The following FAM20A variants were observed in gnomAD, a reference collection of about 807,000 sequenced individuals.
FAM20A encodes FAM20A golgi associated secretory pathway pseudokinase.
A neutral mutation model predicts 52.0 loss-of-function variants in FAM20A; 42 were observed. The observed-to-expected ratio is 0.81, with a 90% CI of 0.63 to 1.04. FAM20A has a LOEUF of 1.04. FAM20A is among the 50% of genes least tolerant of loss of function. The pLI is 0.00. For missense variants in FAM20A, 742 were observed against 712.7 expected, an observed-to-expected ratio of 1.04 and a Z score of -0.47; for synonymous variants, 304 against 298.9, an observed-to-expected ratio of 1.02 and a Z score of -0.18.
intron 1 of FAM20A, chr17:68,558,328 A>G: frequency 2.3e-6 from 1 of 442,768 alleles, no homozygotes; most frequent in Non-Finnish European, 4.5e-6. Context: ...AATGAGTCAT[A>G]CCATCAGATA....
intron 1 of FAM20A, among the ~76,000 whole-genome samples, chr17:68,573,908 C>T (rs944187920): frequency 7.3e-5 from 11 of 151,676 alleles, no homozygotes; most frequent in African/African-American, 2.7e-4. Flanking sequence ...GAACTTCTGA[C>T]CTCAGGTGAT....
chr17:68,575,480 A>G (rs991299370), intron 1 of FAM20A, among the ~76,000 whole-genome samples: 12 of 115,948 alleles, frequency 1.0e-4, no homozygotes, highest in African/African-American at 3.7e-4. Flanking sequence ...TATATTTTAT[A>G]TATTATATAT....
intron 4 of FAM20A, among the ~76,000 whole-genome samples, chr17:68,550,716 G>T (rs951607393): frequency 6.6e-6 from 1 of 152,164 alleles, no homozygotes; most frequent in African/African-American, 2.4e-5. Context: ...TCTCAAGGTT[G>T]CCTGGGCCTT....
intron 1 of FAM20A, among the ~76,000 whole-genome samples, chr17:68,575,363 A>G (rs1285881729): frequency 2.1e-5 from 3 of 142,506 alleles, no homozygotes; most frequent in Non-Finnish European, 3.0e-5. Context: ...CCTGGCCAAC[A>G]CAGGTTCACT....
rs1278035730 is a variant in FAM20A at position 68,568,733 on chromosome 17, T to C, written c.405-12990A>G. Among the ~76,000 whole-genome samples, 14 of 151,942 alleles carry C rather than the reference T, an allele frequency of 9.2e-5. No homozygotes were observed. In the South Asian group the frequency reaches 2.9e-3, roughly 31 times the overall value. On this transcript the variant is annotated intron_variant, in intron 1 of 10. Transcript: ENST00000592554. ...GTTACCTTGTTTCTTCCTCTTCTCT[T>C]AATTCTTTCCTCTCCTATAAGGATT... is the stretch of plus-strand genomic sequence containing the variant.
chr17:68,593,148 T>C (rs539312091), intron 1 of FAM20A, among the ~76,000 whole-genome samples: 4 of 152,382 alleles, frequency 2.6e-5, no homozygotes, highest in Admixed American at 6.5e-5. Context: ...TAAGAACTTA[T>C]GTCTAGTAAC....
At chr17:68,551,537 T>A (rs1448980329) in intron 4 of FAM20A, among the ~76,000 whole-genome samples, 1 of 152,040 alleles carries the variant, frequency 6.6e-6, no homozygotes, top group Non-Finnish European at 1.5e-5. Flanking sequence ...GATGAGATGG[T>A]CTCTTTCAGC....
Position 68,536,164 on chromosome 17 carries a change from T to C in FAM20A, c.*1313A>G, listed in dbSNP as rs150657900. On this transcript the variant is annotated 3_prime_UTR_variant, in exon 11 of 11. Coordinates refer to ENST00000592554, the MANE Select transcript of FAM20A (RefSeq NM_017565.4). ...TTATTTGTCCAGTCGAGGCTATCTT[T>C]GCTCACACTGCAGAAAGCTTGGAGA... The C allele has an allele frequency of 1.7e-4, 76 of 454,152 alleles. No individual in the cohort carries two copies. Among genetic ancestry groups the C allele is most frequent in the African/African-American group, 1.3e-3 (64 of 50,150 alleles). 28.1% of individuals were successfully genotyped at this position (454,152 alleles called of 1,614,324 possible).
rs1432853916 is a variant in FAM20A, at chr17:68,535,422, A to G, written c.*2055T>C. ...GTGGCGGGTTTTGAGGTAGAGCTGT[A>G]GCCTGCTTTCCTGAGAGTCTTATTT... On this transcript the variant is annotated 3_prime_UTR_variant, in exon 11 of 11. Transcript: ENST00000592554. The G allele has an allele frequency of 4.4e-6, 2 of 453,994 alleles. No homozygotes were observed. The highest frequency in any genetic ancestry group is 8.8e-6 in the Non-Finnish European group (2 of 226,802). The allele number at this position is 453,994 out of a possible 1,614,324, so 28.1% of individuals were successfully genotyped here.
At position 68,536,660 on chromosome 17, in the gene FAM20A, C is replaced by CT. The variant is rs1422327936; in HGVS notation, c.*816dup. 2.2e-6 allele frequency: 1 copy of CT among 452,630 alleles called. No homozygotes were observed. The highest frequency in any genetic ancestry group is 2.0e-5 in the African/African-American group (1 of 49,736). 28.0% of individuals were successfully genotyped at this position (452,630 alleles called of 1,614,324 possible). On this transcript the variant is annotated 3_prime_UTR_variant, in exon 11 of 11. Transcript: ENST00000592554. ...TGGTGGGCTGTAGTCAGCCTTGGCT[C>CT]TTTTCCTGCCTTACTCCAGGCTTGT...
At chr17:68,583,820 G>A (rs530753388) in intron 1 of FAM20A, among the ~76,000 whole-genome samples, 2 of 151,044 alleles carry the variant, frequency 1.3e-5, no homozygotes, top group Admixed American at 6.6e-5. Context: ...GGAGAATGGC[G>A]TGAACCAGGA....
At position 68,537,467 on chromosome 17, in the gene FAM20A, C is replaced by T. The variant is rs944183650; in HGVS notation, c.*10G>A. Reference sequence around the variant, plus strand: ...CAGGCGTATTTTCTGAAACTGGACTCTGCCAGCCCTTAGCTTGTCAAGTTA... The same window carrying T: ...CAGGCGTATTTTCTGAAACTGGACTTTGCCAGCCCTTAGCTTGTCAAGTTA... On this transcript the variant is annotated 3_prime_UTR_variant, in exon 11 of 11. Coordinates refer to ENST00000592554, the MANE Select transcript of FAM20A (RefSeq NM_017565.4). This position sits in a 1 kb window ranked among gnomAD's most constrained non-coding sequence, Gnocchi z 4.2. 1.9e-6 allele frequency: 3 copies of T among 1,613,978 alleles called. No individual in the cohort carries two copies. In the African/African-American group the frequency reaches 4.0e-5, roughly 22 times the overall value.
intron 1 of FAM20A, among the ~76,000 whole-genome samples, chr17:68,581,356 T>TTCTTTCTTTCTTTCTTTCTTTC (rs2087948691): frequency 8.9e-6 from 1 of 112,838 alleles, no homozygotes; most frequent in East Asian, 2.4e-4. Flanking sequence ...CAGTTTTTCT[T>TTCTTTCTTTCTTTCTTTCTTTC]TCTTTCTTTC....
chr17:68,585,402 G>A lies in FAM20A; in HGVS notation c.404+14861C>T, dbSNP rs773650966. Among the ~76,000 whole-genome samples, 8 of 150,948 alleles carry A rather than the reference G, an allele frequency of 5.3e-5. No individual in the cohort carries two copies. In the East Asian group the frequency reaches 7.8e-4, roughly 15 times the overall value. ...GTGTATTATTGCACTCTCTTCATCC[G>A]TGCAAACACATTCTTTTTTGTTTTT... On this transcript the variant is annotated intron_variant, in intron 1 of 10. Coordinates refer to ENST00000592554, the MANE Select transcript of FAM20A (RefSeq NM_017565.4).
intron 1 of FAM20A, among the ~76,000 whole-genome samples, chr17:68,586,606 T>C (rs1251602857): frequency 6.6e-6 from 1 of 152,150 alleles, no homozygotes; most frequent in African/African-American, 2.4e-5. Context: ...AGGCAGAGAT[T>C]GGAGTGATGC....
In FAM20A at chr17:68,535,162, A is replaced by G. The variant is rs775486309; in HGVS notation, c.*2315T>C. 2 of 411,022 alleles carry G rather than the reference A, an allele frequency of 4.9e-6. No homozygotes were observed. The highest frequency in any genetic ancestry group is 9.7e-6 in the Non-Finnish European group (2 of 206,596). 25.5% of individuals were successfully genotyped at this position (411,022 alleles called of 1,614,324 possible). ...TTTCATGGGAGGTAAACAGTTCAAA[A>G]TGAACATGCTGGAAGAACTCGAGTA... On this transcript the variant is annotated 3_prime_UTR_variant, in exon 11 of 11. Transcript: ENST00000592554.
intron 1 of FAM20A, among the ~76,000 whole-genome samples, chr17:68,575,712 A>T (rs536810191): frequency 2.6e-4 from 30 of 117,458 alleles, no homozygotes; most frequent in Admixed American, 7.9e-4. Flanking sequence ...ATTATATATT[A>T]TATATTTTAT....
intron 4 of FAM20A, among the ~76,000 whole-genome samples, chr17:68,550,271 T>C (rs1225024862): frequency 6.6e-6 from 1 of 151,636 alleles, no homozygotes; most frequent in Non-Finnish European, 1.5e-5. Context: ...AATATAAATA[T>C]AAGCAGACAT....
intron 4 of FAM20A, among the ~76,000 whole-genome samples, chr17:68,548,862 A>G (rs963235683): frequency 6.7e-6 from 1 of 149,680 alleles, no homozygotes; most frequent in African/African-American, 2.5e-5. Flanking sequence ...CCTCCCGAGC[A>G]GCTGGGACTA....
Sources: allele counts gnomAD v4.1 joint callset (sites outside exome capture counted in the v4.1 genomes callset), GRCh38; gene constraint gnomAD v4.1.1; non-coding constraint Gnocchi (gnomAD v3.1); transcripts MANE v1.5; gene names NCBI Gene and HGNC (gene_info 2026-07-23, HGNC 2026-07-21).